B3GALT1: variants seen among roughly 807,000 people sequenced by gnomAD.
B3GALT1 encodes beta-1,3-galactosyltransferase 1.
A neutral mutation model predicts 23.2 loss-of-function variants in B3GALT1; 10 were observed. The observed-to-expected ratio is 0.43, with a 90% CI of 0.27 to 0.73. The LOEUF is 0.73. Among genes scored for constraint, B3GALT1 ranks in the 30% least tolerant of loss-of-function variants. The probability of loss-of-function intolerance (pLI) is 0.21; values close to 1 mark genes in which losing one functional copy is unlikely to be tolerated. For synonymous variants in B3GALT1, 156 were observed against 141.5 expected, an observed-to-expected ratio of 1.10 and a Z score of -0.73; for missense variants, 299 against 405.4, an observed-to-expected ratio of 0.74 and a Z score of 2.25.
At chr2:167,801,437 A>G (rs1252279299) in intron 3 of B3GALT1, among the ~76,000 whole-genome samples, 3 of 152,206 alleles carry the variant, frequency 2.0e-5, no homozygotes. Context: ...TATATTTGTG[A>G]TGTTTTCATT....
intron 3 of B3GALT1, among the ~76,000 whole-genome samples, chr2:167,698,892 T>A (rs889893595): frequency 6.6e-6 from 1 of 152,228 alleles, no homozygotes; most frequent in Admixed American, 6.5e-5. Flanking sequence ...TGAATTTTTC[T>A]CTACTTATCA....
At chr2:167,703,075 G>A (rs945684708) in intron 3 of B3GALT1, among the ~76,000 whole-genome samples, 1 of 152,164 alleles carries the variant, frequency 6.6e-6, no homozygotes, top group African/African-American at 2.4e-5. Flanking sequence ...GGGCATCAGG[G>A]GGACAATCAA....
At chr2:167,817,817 A>G (rs1689025401) in intron 3 of B3GALT1, among the ~76,000 whole-genome samples, 1 of 152,226 alleles carries the variant, frequency 6.6e-6, no homozygotes, top group South Asian at 2.1e-4. Flanking sequence ...CTTTGTATAC[A>G]TATATAGCTT....
intron 1 of B3GALT1, among the ~76,000 whole-genome samples, chr2:167,459,505 C>G (rs770704106): frequency 5.3e-5 from 8 of 152,248 alleles, no homozygotes; most frequent in Admixed American, 1.3e-4. Context: ...ATACATTAGT[C>G]TCTTCAAATA....
intron 4 of B3GALT1, among the ~76,000 whole-genome samples, chr2:167,852,774 TATG>T (rs1689929168): frequency 6.6e-6 from 1 of 152,182 alleles, no homozygotes; most frequent in Non-Finnish European, 1.5e-5. Flanking sequence ...TCCACTTTTC[TATG>T]ATATCTCAGC....
chr2:167,410,587 C>G (rs141709580), intron 1 of B3GALT1, among the ~76,000 whole-genome samples: 4 of 150,932 alleles, frequency 2.7e-5, no homozygotes, highest in Non-Finnish European at 5.9e-5. Context: ...CTGTCAGGGG[C>G]TGGGGGGCAA....
chr2:167,654,905 T>C (rs1459043670), intron 3 of B3GALT1, among the ~76,000 whole-genome samples: 1 of 151,688 alleles, frequency 6.6e-6, no homozygotes, highest in Non-Finnish European at 1.5e-5. Context: ...ACCCACTAAA[T>C]CAGTAGTTAG....
intron 2 of B3GALT1, among the ~76,000 whole-genome samples, chr2:167,510,077 C>A (rs1263743538): frequency 6.6e-6 from 1 of 152,102 alleles, no homozygotes; most frequent in Non-Finnish European, 1.5e-5. Context: ...ATCATCAAAG[C>A]AGACTCACAA....
intron 3 of B3GALT1, among the ~76,000 whole-genome samples, chr2:167,679,559 A>G (rs752042877): frequency 2.0e-5 from 3 of 152,236 alleles, no homozygotes; most frequent in African/African-American, 7.2e-5. Flanking sequence ...TGGTTTCAAC[A>G]TTGTTCTTAA....
chr2:167,626,223 T>A (rs1270074275), intron 2 of B3GALT1, among the ~76,000 whole-genome samples: 3 of 151,476 alleles, frequency 2.0e-5, no homozygotes, highest in African/African-American at 7.3e-5. Flanking sequence ...ATTTTTTAAA[T>A]TTTAAATTAA....
chr2:167,721,827 C>G (rs1033543935), intron 3 of B3GALT1, among the ~76,000 whole-genome samples: 2 of 152,154 alleles, frequency 1.3e-5, no homozygotes, highest in Non-Finnish European at 2.9e-5. Context: ...GTCCTGTAGG[C>G]AAATGAAATT....
At chr2:167,474,806 G>A (rs1699467668) in intron 1 of B3GALT1, among the ~76,000 whole-genome samples, 1 of 152,160 alleles carries the variant, frequency 6.6e-6, no homozygotes, top group South Asian at 2.1e-4. Flanking sequence ...TGACCCAGAT[G>A]TTAAAATGTA....
chr2:167,693,132 CAA>C (rs1686739539), intron 3 of B3GALT1, among the ~76,000 whole-genome samples: 1 of 151,860 alleles, frequency 6.6e-6, no homozygotes, highest in Non-Finnish European at 1.5e-5. Context: ...ATTCACAACA[CAA>C]GAGTGCCCAA....
intron 2 of B3GALT1, among the ~76,000 whole-genome samples, chr2:167,585,017 G>A (rs560740627): frequency 6.6e-6 from 1 of 152,264 alleles, no homozygotes; most frequent in East Asian, 1.9e-4. Flanking sequence ...GGAGCTGAAT[G>A]TCCCAATCCT....
chr2:167,544,827 A>T (rs548803476), intron 2 of B3GALT1, among the ~76,000 whole-genome samples: 1 of 152,158 alleles, frequency 6.6e-6, no homozygotes, highest in South Asian at 2.1e-4. Context: ...TCTCGATCGA[A>T]GGGTTCGTGG....
rs541375508 is a variant in B3GALT1 at position 167,725,455 on chromosome 2, A to G, written c.-352+78489A>G. ...GTTGCATCTCTGGAAACCCTGAACT[A>G]ATAATGTTAAGCCAAATACTCCAAA... On this transcript the variant is annotated intron_variant, in intron 3 of 4. Transcript: ENST00000392690. Among the ~76,000 whole-genome samples, 3 of 152,330 alleles carry G rather than the reference A, an allele frequency of 2.0e-5. No homozygotes were observed. The South Asian group carries it at 6.2e-4, about 32-fold the overall frequency.
chr2:167,681,720 C>G (rs537060268), intron 3 of B3GALT1, among the ~76,000 whole-genome samples: 10 of 152,232 alleles, frequency 6.6e-5, no homozygotes, highest in African/African-American at 2.2e-4. Flanking sequence ...TATTCTAAAC[C>G]CATATATGTA....
intron 4 of B3GALT1, among the ~76,000 whole-genome samples, chr2:167,846,143 GGAA>G (rs1689756045): frequency 6.6e-6 from 1 of 152,172 alleles, no homozygotes; most frequent in Non-Finnish European, 1.5e-5. Context: ...GTGTTCCTGA[GGAA>G]GAAGAGAATT....
At chr2:167,358,223 A>G (rs2105260750) in intron 1 of B3GALT1, among the ~76,000 whole-genome samples, 1 of 152,300 alleles carries the variant, frequency 6.6e-6, no homozygotes, top group South Asian at 2.1e-4. Context: ...AAACCAAGAT[A>G]AGTCCAGAAA....
Sources: allele counts gnomAD v4.1 joint callset (sites outside exome capture counted in the v4.1 genomes callset), GRCh38; gene constraint gnomAD v4.1.1; transcripts MANE v1.5; gene names NCBI Gene and HGNC (gene_info 2026-07-23, HGNC 2026-07-21).